Variants in BCAS3 observed in about 807,000 individuals in gnomAD.
BCAS3 encodes BCAS4/BCAS3 fusion.
A neutral mutation model predicts 116.1 loss-of-function variants in BCAS3; 53 were observed. The observed-to-expected ratio is 0.46, with a 90% CI of 0.37 to 0.57. BCAS3 has a LOEUF of 0.57. Among genes scored for constraint, BCAS3 ranks in the 20% least tolerant of loss-of-function variants. The probability of loss-of-function intolerance (pLI) is 0.00; values close to 1 mark genes in which losing one functional copy is unlikely to be tolerated. For missense variants in BCAS3, 917 were observed against 1,165.4 expected (o/e 0.79, Z 3.10); for synonymous variants, 391 against 408.2 (o/e 0.96, Z 0.51).
chr17:60,947,500 A>G, intron 14 of BCAS3, 148 bp downstream of exon 14: 1 of 887,230 alleles, frequency 1.1e-6, no homozygotes, highest in South Asian at 3.1e-5. Context: ...AAATAGGGAA[A>G]AATTCCGTTT....
chr17:60,908,364 A>G (rs2058301270), intron 11 of BCAS3, among the ~76,000 whole-genome samples: 1 of 152,198 alleles, frequency 6.6e-6, no homozygotes, highest in African/African-American at 2.4e-5. Context: ...GTATAAGAGC[A>G]TGAAATAATA....
chr17:61,308,717 G>A (rs1467068760), intron 22 of BCAS3, among the ~76,000 whole-genome samples: 1 of 152,064 alleles, frequency 6.6e-6, no homozygotes, highest in Non-Finnish European at 1.5e-5. Flanking sequence ...CTTGGCATGA[G>A]TTCCCATACT....
intron 22 of BCAS3, among the ~76,000 whole-genome samples, chr17:61,269,415 A>G (rs1368471746): frequency 6.6e-6 from 1 of 152,056 alleles, no homozygotes; most frequent in Non-Finnish European, 1.5e-5. Flanking sequence ...GCGCCCGGCC[A>G]TTATATTTTC....
At chr17:60,846,124 C>G (rs2052511255) in intron 7 of BCAS3, among the ~76,000 whole-genome samples, 1 of 151,692 alleles carries the variant, frequency 6.6e-6, no homozygotes, top group Non-Finnish European at 1.5e-5. Context: ...GAAAGGGGGT[C>G]TTGCTTTGTT....
chr17:61,228,279 C>G lies in BCAS3; in HGVS notation c.2426-140048C>G, dbSNP rs2082475379. Among the ~76,000 whole-genome samples the G allele has an allele frequency of 6.6e-6, 1 of 152,124 alleles. No individual in the cohort carries two copies. The highest frequency in any genetic ancestry group is 1.5e-5 in the Non-Finnish European group (1 of 68,034). ...CCCAGCTGAGAAATTATGAAGGCGA[C>G]TATAGACACATCAAAATCTATTACC... On this transcript the variant is annotated intron_variant, in intron 22 of 23. Coordinates refer to ENST00000407086, the MANE Select transcript of BCAS3 (RefSeq NM_017679.5). The surrounding 1 kb of genome is among the most constrained non-coding windows in gnomAD (Gnocchi z 5.0).
chr17:61,330,160 T>C (rs2056143451), intron 22 of BCAS3, among the ~76,000 whole-genome samples: 1 of 152,162 alleles, frequency 6.6e-6, no homozygotes, highest in Non-Finnish European at 1.5e-5. Flanking sequence ...AGAGAAGGGC[T>C]AAGAGTAGGT....
intron 7 of BCAS3, among the ~76,000 whole-genome samples, chr17:60,855,106 C>T (rs752898544): frequency 1.6e-4 from 25 of 151,552 alleles, no homozygotes; most frequent in African/African-American, 2.4e-4. Context: ...CATGCCACCA[C>T]GCCTGGCTAA....
intron 3 of BCAS3, among the ~76,000 whole-genome samples, chr17:60,686,779 G>C (rs540484109): frequency 6.6e-6 from 1 of 152,192 alleles, no homozygotes; most frequent in African/African-American, 2.4e-5. Flanking sequence ...TCCTGCCTTG[G>C]CCTCGCAAAG....
intron 14 of BCAS3, among the ~76,000 whole-genome samples, chr17:60,949,368 C>T (rs2060707526): frequency 6.6e-6 from 1 of 152,144 alleles, no homozygotes; most frequent in Non-Finnish European, 1.5e-5. Context: ...AGTGATCCTC[C>T]TGTCTCAGCC....
At chr17:60,908,053 ATAGTAGTATC>A (rs1037529213) in intron 11 of BCAS3, among the ~76,000 whole-genome samples, 11 of 152,190 alleles carry the variant, frequency 7.2e-5, no homozygotes, top group Non-Finnish European at 1.6e-4. Flanking sequence ...GTTATGATAA[ATAGTAGTATC>A]TTGTAACTTG....
chr17:60,844,143 T>G (rs1311497447), intron 7 of BCAS3, among the ~76,000 whole-genome samples: 6 of 152,102 alleles, frequency 3.9e-5, no homozygotes, highest in African/African-American at 1.4e-4. Context: ...CTAATTTTGT[T>G]TTTTTTAGTA....
chr17:61,187,049 C>T (rs1187007484), intron 22 of BCAS3, among the ~76,000 whole-genome samples: 1 of 152,134 alleles, frequency 6.6e-6, no homozygotes. Flanking sequence ...TTATGCAGTA[C>T]ACATTTGAGT....
At chr17:60,860,735 A>G (rs2054086075) in intron 7 of BCAS3, among the ~76,000 whole-genome samples, 1 of 152,146 alleles carries the variant, frequency 6.6e-6, no homozygotes. Context: ...ACCACCATTT[A>G]TTGAATAGGG....
In BCAS3 at chr17:60,814,403, AT is replaced by A. The variant is rs369794469; in HGVS notation, c.476+6336del. 9.1e-3 allele frequency among the ~76,000 whole-genome samples: 1,366 copies of A among 149,380 alleles called. 23 individuals carry two copies. Among genetic ancestry groups the A allele is most frequent in the African/African-American group, 0.032 (1,307 of 40,802 alleles). On this transcript the variant is annotated intron_variant, in intron 7 of 23. Transcript: ENST00000407086. ...AAATGTTACTGATTTTACTACCTTT[AT>A]TTTTTTTTATCCTGAAACTTACTGA...
At chr17:61,268,620 T>C (rs2049966147) in intron 22 of BCAS3, among the ~76,000 whole-genome samples, 2 of 152,096 alleles carry the variant, frequency 1.3e-5, no homozygotes. Context: ...CCTCATTCTG[T>C]CGCCCAGGCT....
intron 23 of BCAS3, among the ~76,000 whole-genome samples, chr17:61,375,254 G>GTGTGTGTA (rs1491033227): frequency 1.3e-5 from 2 of 149,816 alleles, no homozygotes; most frequent in African/African-American, 5.0e-5. Flanking sequence ...GTGTGTGTGT[G>GTGTGTGTA]TACTAATAAA....
Position 61,204,483 on chromosome 17 carries a change from C to T in BCAS3, c.2425+119919C>T, listed in dbSNP as rs898174779. 3.4e-4 allele frequency among the ~76,000 whole-genome samples: 51 copies of T among 152,112 alleles called. 1 individual carries two copies. Among genetic ancestry groups the T allele is most frequent in the Non-Finnish European group, 1.0e-4 (7 of 68,024 alleles). On this transcript the variant is annotated intron_variant, in intron 22 of 23. Transcript: ENST00000407086. The surrounding 1 kb of genome is among the most constrained non-coding windows in gnomAD (Gnocchi z 4.2). ...TATGTGAAAAATTGAATTTGGGAAACATTGAGTGGAATATTTTTTAAGCTG... is the reference window on the plus strand; with the variant it reads ...TATGTGAAAAATTGAATTTGGGAAATATTGAGTGGAATATTTTTTAAGCTG...
rs1346713599 is a variant in BCAS3, at chr17:61,256,295, ATTTAT to A, written c.2426-112018_2426-112014del. Among the ~76,000 whole-genome samples the A allele has an allele frequency of 6.7e-6, 1 of 149,400 alleles. No individual in the cohort carries two copies. The highest frequency in any genetic ancestry group is 2.4e-5 in the African/African-American group (1 of 40,856). On this transcript the variant is annotated intron_variant, in intron 22 of 23. Transcript: ENST00000407086. The surrounding 1 kb of genome is among the most constrained non-coding windows in gnomAD (Gnocchi z 5.6). ...GTTTGTTTGTTTTTCATTTATTTTT[ATTTAT>A]TTTATTTTATTTTTATTTTTTGAGG...
rs1394896633 is a variant in BCAS3, at chr17:61,343,428, C to T, written c.2426-24899C>T. ...GCGATCTGGCCATGGTTTATAGCAA[C>T]AGGGAGTGCATCAGAATCACCTGAT... On this transcript the variant is annotated intron_variant, in intron 22 of 23. Transcript: ENST00000407086. The surrounding 1 kb of genome is among the most constrained non-coding windows in gnomAD (Gnocchi z 5.5). Among the ~76,000 whole-genome samples, 1 of 152,216 alleles carries T rather than the reference C, an allele frequency of 6.6e-6. No homozygotes were observed. Among genetic ancestry groups the T allele is most frequent in the Non-Finnish European group, 1.5e-5 (1 of 68,044 alleles).
Sources: gnomAD v4.1 joint callset for allele counts (sites outside exome capture counted in the v4.1 genomes callset) on GRCh38, gnomAD v4.1.1 for gene constraint, Gnocchi (gnomAD v3.1) non-coding constraint, MANE v1.5 for transcripts, NCBI Gene and HGNC (gene_info 2026-07-23, HGNC 2026-07-21) for gene names.